The following STEAP4 variants were observed in gnomAD, a reference collection of about 807,000 sequenced individuals.
STEAP4 encodes STEAP4 metalloreductase, also known as metalloreductase STEAP4.
A neutral mutation model predicts 43.6 loss-of-function variants in STEAP4; 36 were observed. The observed-to-expected ratio is 0.83, with a 90% CI of 0.63 to 1.09. The LOEUF is 1.09. STEAP4 is among the 50% of genes least tolerant of loss of function. The pLI is 0.00. For synonymous variants in STEAP4, 191 were observed against 196.7 expected (o/e 0.97, Z 0.24); for missense variants, 495 against 546.5 (o/e 0.91, Z 0.94).
At position 88,273,287 on chromosome 7, in the gene STEAP4, AGT is replaced by A. The variant is rs1380984712; in HGVS notation, c.*6109_*6110del. 6.6e-6 allele frequency: 1 copy of A among 152,246 alleles called. No homozygotes were observed. The highest frequency in any genetic ancestry group is 6.5e-5 in the Admixed American group (1 of 15,288). The allele number at this position is 152,246 out of a possible 1,614,324, so 9.4% of individuals were successfully genotyped here. A position where few individuals can be genotyped will look rare whatever the true frequency, so the allele number is the denominator to read the frequency against. ...CTATCTTAGCATGAAAGAAAGGATT[AGT>A]AAAAATGAAATGAATACACTGGGTG... On this transcript the variant is annotated 3_prime_UTR_variant, in exon 5 of 5. Transcript: ENST00000380079.
In STEAP4 at chr7:88,283,459, G is replaced by A. The variant is rs80136961; in HGVS notation, c.457-291C>T. 3.0e-3 allele frequency: 1,398 copies of A among 468,376 alleles called. 22 individuals carry two copies. In the East Asian group the frequency reaches 0.032, roughly 11 times the overall value. The allele number at this position is 468,376 out of a possible 1,614,324, so 29.0% of individuals were successfully genotyped here. ...TTTGATCTTCTGTGTTTGTGGTGCC[G>A]CATCACTTATGAATGCTTCTAATCT... On this transcript the variant is annotated intron_variant, in intron 2 of 4. Transcript: ENST00000380079.
At chr7:88,306,167 C>T (rs1454760156) in intron 1 of STEAP4, among the ~76,000 whole-genome samples, 6 of 152,324 alleles carry the variant, frequency 3.9e-5, no homozygotes, top group African/African-American at 1.2e-4. Context: ...CCGTACCCAG[C>T]CTCAGTACAC....
Position 88,277,689 on chromosome 7 carries a change from G to C in STEAP4, c.*1709C>G, listed in dbSNP as rs1233560888. On this transcript the variant is annotated 3_prime_UTR_variant, in exon 5 of 5. Transcript: ENST00000380079. The stretch of plus-strand genomic sequence containing the variant: ...AGCCTGACCAATGTGGTGAAACCCT[G>C]TCTCTACTAAAAGTACAAAAATTAG... The C allele has an allele frequency of 2.0e-5, 3 of 152,060 alleles. No individual in the cohort carries two copies. Among genetic ancestry groups the C allele is most frequent in the Non-Finnish European group, 2.9e-5 (2 of 68,014 alleles). The allele number at this position is 152,060 out of a possible 1,614,324, so 9.4% of individuals were successfully genotyped here. A position where few individuals can be genotyped will look rare whatever the true frequency, so the allele number is the denominator to read the frequency against.
intron 1 of STEAP4, among the ~76,000 whole-genome samples, chr7:88,287,714 A>C (rs1359008182): frequency 6.6e-6 from 1 of 152,180 alleles, no homozygotes; most frequent in East Asian, 1.9e-4. Flanking sequence ...TATCTCAAGC[A>C]CTGATCTTAG....
At chr7:88,290,580 T>G (rs1852818925) in intron 1 of STEAP4, among the ~76,000 whole-genome samples, 1 of 152,224 alleles carries the variant, frequency 6.6e-6, no homozygotes, top group Non-Finnish European at 1.5e-5. Flanking sequence ...AATAGGCATC[T>G]GGTTCCAGGC....
Position 88,278,014 on chromosome 7 carries a change from T to C in STEAP4, c.*1384A>G, listed in dbSNP as rs569332229. The C allele has an allele frequency of 7.9e-5, 12 of 152,052 alleles. No homozygotes were observed. The highest frequency in any genetic ancestry group is 3.9e-4 in the Admixed American group (6 of 15,274). The allele number at this position is 152,052 out of a possible 1,614,324, so 9.4% of individuals were successfully genotyped here. On this transcript the variant is annotated 3_prime_UTR_variant, in exon 5 of 5. Coordinates refer to ENST00000380079, the MANE Select transcript of STEAP4 (RefSeq NM_024636.4). ...GGATTGTTGATGTTGTTTTAATATA[T>C]TTTAATCATTTTTGTATAATGTCAT... is the stretch of plus-strand genomic sequence containing the variant.
Position 88,271,588 on chromosome 7 carries a change from T to C in STEAP4, c.*7810A>G, listed in dbSNP as rs1320913682. ...AATGCTTGAATCACTGCCCATATTC[T>C]ACTTTTACAATGTTATTCATGAAAA... is the stretch of plus-strand genomic sequence containing the variant. On this transcript the variant is annotated 3_prime_UTR_variant, in exon 5 of 5. Coordinates refer to ENST00000380079, the MANE Select transcript of STEAP4 (RefSeq NM_024636.4). 6.6e-6 allele frequency: 1 copy of C among 152,230 alleles called. No individual in the cohort carries two copies. The highest frequency in any genetic ancestry group is 1.5e-5 in the Non-Finnish European group (1 of 68,048). The allele number at this position is 152,230 out of a possible 1,614,324, so 9.4% of individuals were successfully genotyped here.
Position 88,279,428 on chromosome 7 carries a change from G to A in STEAP4, c.1350C>T (p.Arg450=). The A allele has an allele frequency of 1.2e-6, 2 of 1,613,930 alleles. No individual in the cohort carries two copies. Among genetic ancestry groups the A allele is most frequent in the East Asian group, 2.2e-5 (1 of 44,864 alleles). The change falls in exon 5 of 5, where the codon CGC becomes CGT. Residue 450 remains arginine, a synonymous_variant. Transcript: ENST00000380079. ...PCVDNTLTRI[R]QGWERNSKH is the part of the protein sequence containing the mutation. ...GTTTTGAGTTCCTTTCCCAGCCCTGGCGGATCCTTGTAAGGGTGTTGTCTA... is the reference window on the plus strand; with the variant it reads ...GTTTTGAGTTCCTTTCCCAGCCCTGACGGATCCTTGTAAGGGTGTTGTCTA...
rs978848639 is a variant in STEAP4, at chr7:88,275,943, A to T, written c.*3455T>A. On this transcript the variant is annotated 3_prime_UTR_variant, in exon 5 of 5. Coordinates refer to ENST00000380079, the MANE Select transcript of STEAP4 (RefSeq NM_024636.4). Reference sequence around the variant, plus strand: ...GTCCTCTCTTTATTTGTAAGTTTTAATACTATTTTTGAAAGCAGGATAACA... The same window carrying T: ...GTCCTCTCTTTATTTGTAAGTTTTATTACTATTTTTGAAAGCAGGATAACA... The T allele has an allele frequency of 6.6e-6, 1 of 152,012 alleles. No individual in the cohort carries two copies. The highest frequency in any genetic ancestry group is 1.5e-5 in the Non-Finnish European group (1 of 68,012). 9.4% of individuals were successfully genotyped at this position (152,012 alleles called of 1,614,324 possible).
rs1391628135 is a variant in STEAP4 at position 88,271,844 on chromosome 7, A to G, written c.*7554T>C. On this transcript the variant is annotated 3_prime_UTR_variant, in exon 5 of 5. Transcript: ENST00000380079. The stretch of plus-strand genomic sequence containing the variant: ...CCTCACCCACAGAATGTGTGCTCAA[A>G]CATTTGGATTTTTGCCCATCTACTA... 2.0e-5 allele frequency: 3 copies of G among 152,222 alleles called. No individual in the cohort carries two copies. Among genetic ancestry groups the G allele is most frequent in the African/African-American group, 7.2e-5 (3 of 41,466 alleles). 9.4% of individuals were successfully genotyped at this position (152,222 alleles called of 1,614,324 possible). A position where few individuals can be genotyped will look rare whatever the true frequency, so the allele number is the denominator to read the frequency against.
chr7:88,282,763 G>C lies in STEAP4; in HGVS notation c.862C>G (p.Leu288Val), dbSNP rs1852643718. 6.2e-7 allele frequency: 1 copy of C among 1,614,032 alleles called. No individual in the cohort carries two copies. Among genetic ancestry groups the C allele is most frequent in the Non-Finnish European group, 8.5e-7 (1 of 1,180,040 alleles). Residue 288 changes from leucine (L) to valine (V), a missense_variant, in exon 3 of 5, where the codon CTT (leucine) becomes GTT (valine). Coordinates refer to ENST00000380079, the MANE Select transcript of STEAP4 (RefSeq NM_024636.4). Reference sequence around the variant, plus strand: ...ACCAAGCCAAGCTGCTTTCGGCAAAGCATCCAGTGGTCAAGCCAGTCTGGG... The same window carrying C: ...ACCAAGCCAAGCTGCTTTCGGCAAACCATCCAGTGGTCAAGCCAGTCTGGG... ...RFPDWLDHWM[L>V]CRKQLGLVAL...
rs1458641500 is a variant in STEAP4, at chr7:88,273,950, G to A, written c.*5448C>T. ...CTGGGCAATCAGGAATATTTAAAAT[G>A]CGAATAAGCTTCTTGTCTTTAAAAA... On this transcript the variant is annotated 3_prime_UTR_variant, in exon 5 of 5. Coordinates refer to ENST00000380079, the MANE Select transcript of STEAP4 (RefSeq NM_024636.4). The A allele has an allele frequency of 1.3e-5, 2 of 152,196 alleles. No individual in the cohort carries two copies. The allele number at this position is 152,196 out of a possible 1,614,324, so 9.4% of individuals were successfully genotyped here. A position where few individuals can be genotyped will look rare whatever the true frequency, so the allele number is the denominator to read the frequency against.
At chr7:88,291,938 T>C (rs965219584) in intron 1 of STEAP4, among the ~76,000 whole-genome samples, 25 of 152,150 alleles carry the variant, frequency 1.6e-4, no homozygotes, top group African/African-American at 5.8e-4. Context: ...ATGGAATCAT[T>C]TCCCAGAGAT....
chr7:88,295,600 G>C (rs1316474951), intron 1 of STEAP4, among the ~76,000 whole-genome samples: 1 of 152,064 alleles, frequency 6.6e-6, no homozygotes, highest in East Asian at 1.9e-4. Context: ...CTGCTACTGC[G>C]GTTCTTCTTC....
In STEAP4 at chr7:88,283,159, A is replaced by G. The variant is rs367795298; in HGVS notation, c.466T>C (p.Cys156Arg). 2.6e-6 allele frequency: 4 copies of G among 1,542,680 alleles called. No individual in the cohort carries two copies. The African/African-American group carries it at 5.5e-5, about 21-fold the overall frequency. The change falls in exon 3 of 5, where the codon TGT becomes CGT. Residue 156 changes from cysteine to arginine, a missense_variant. By Grantham distance (180) the Cys-to-Arg change is radical. Coordinates refer to ENST00000380079, the MANE Select transcript of STEAP4 (RefSeq NM_024636.4). Reference protein sequence around the residue: ...ALDASRQVFVCGNDSKAKQRV... With the variant: ...ALDASRQVFVRGNDSKAKQRV... ...TGCTTGGCTTTGCTGTCATTTCCAC[A>G]CACAAACACCTAGTTTAAAAACAGT...
chr7:88,296,527 C>T (rs768630019), intron 1 of STEAP4, among the ~76,000 whole-genome samples: 1 of 151,846 alleles, frequency 6.6e-6, no homozygotes, highest in African/African-American at 2.4e-5. Flanking sequence ...GAATTTCAAC[C>T]CAAAAGCCCT....
intron 1 of STEAP4, chr7:88,292,704 A>T (rs1013934933): frequency 6.6e-6 from 1 of 152,202 alleles, no homozygotes; most frequent in African/African-American, 2.4e-5. Flanking sequence ...TGCCCTCTGA[A>T]CTACCAACCC....
At chr7:88,295,856 G>C (rs1215075915) in intron 1 of STEAP4, among the ~76,000 whole-genome samples, 2 of 152,124 alleles carry the variant, frequency 1.3e-5, no homozygotes, top group Non-Finnish European at 2.9e-5. Flanking sequence ...AAAGATAAGA[G>C]GAAGAACAGG....
At chr7:88,289,848 C>T (rs1429602970) in intron 1 of STEAP4, among the ~76,000 whole-genome samples, 1 of 152,208 alleles carries the variant, frequency 6.6e-6, no homozygotes, top group Non-Finnish European at 1.5e-5. Context: ...AGCATCTGCA[C>T]ATGCAGACTA....
Sources: allele counts gnomAD v4.1 joint callset (sites outside exome capture counted in the v4.1 genomes callset), GRCh38; gene constraint gnomAD v4.1.1; transcripts MANE v1.5; gene names NCBI Gene and HGNC (gene_info 2026-07-23, HGNC 2026-07-21).